The following CSMD1 variants were observed in gnomAD, a reference collection of about 807,000 sequenced individuals.
CSMD1 encodes CUB and Sushi multiple domains 1, also known as CUB and sushi domain-containing protein 1.
In CSMD1, 213 loss-of-function variants were observed where a neutral mutation model predicts 417.5. The ratio of observed to expected loss-of-function variants is 0.51; its 90% CI spans 0.46 to 0.57. The LOEUF (loss-of-function observed/expected upper bound fraction) is 0.57. Ranked by LOEUF, CSMD1 falls within the 20% of genes least tolerant of loss-of-function variation. CSMD1 has a pLI of 0.00. For synonymous variants in CSMD1, 2,862 were observed against 1,736.8 expected (o/e 1.65, Z -16.11); for missense variants, 6,923 against 4,529.7 (o/e 1.53, Z -15.17).
At chr8:4,292,328 C>A (rs1343369077) in intron 3 of CSMD1, among the ~76,000 whole-genome samples, 1 of 152,170 alleles carries the variant, frequency 6.6e-6, no homozygotes, top group Non-Finnish European at 1.5e-5. Context: ...CCTGGGCTCA[C>A]TGCAACCTCT....
intron 3 of CSMD1, among the ~76,000 whole-genome samples, chr8:4,361,929 C>A (rs1420897783): frequency 6.6e-6 from 1 of 152,030 alleles, no homozygotes. Context: ...CACGCCAAGG[C>A]CCTCCAGCCT....
chr8:3,244,462 C>A (rs1396682568), intron 26 of CSMD1, among the ~76,000 whole-genome samples: 1 of 152,116 alleles, frequency 6.6e-6, no homozygotes, highest in Non-Finnish European at 1.5e-5. Flanking sequence ...GGTTAGTTTG[C>A]ATAAGCAGTC....
intron 1 of CSMD1, among the ~76,000 whole-genome samples, chr8:4,874,071 T>C (rs1217200247): frequency 6.6e-6 from 1 of 152,152 alleles, no homozygotes; most frequent in Non-Finnish European, 1.5e-5. Context: ...CTTAAAACTT[T>C]AACATAGGCA....
At chr8:3,639,542 A>C (rs1213629149) in intron 7 of CSMD1, among the ~76,000 whole-genome samples, 1 of 152,158 alleles carries the variant, frequency 6.6e-6, no homozygotes, top group African/African-American at 2.4e-5. Flanking sequence ...GATGGATCAG[A>C]AGACCTGACT....
chr8:3,768,071 G>A (rs1483701004), intron 5 of CSMD1, among the ~76,000 whole-genome samples: 4 of 152,108 alleles, frequency 2.6e-5, no homozygotes. Context: ...GACAGCTACG[G>A]TCCATATGAT....
chr8:4,994,145 G>C (rs552980684), intron 1 of CSMD1, among the ~76,000 whole-genome samples, 187 bp downstream of exon 1: 4 of 152,180 alleles, frequency 2.6e-5, no homozygotes, highest in African/African-American at 9.6e-5. Context: ...GGGGGCCCAG[G>C]AGGGCTGGGG....
At position 3,517,362 on chromosome 8, in the gene CSMD1, G is replaced by C. The variant is rs574778322; in HGVS notation, c.1345-23636C>G. On this transcript the variant is annotated intron_variant, in intron 10 of 69. Coordinates refer to ENST00000635120, the MANE Select transcript of CSMD1 (RefSeq NM_033225.6). Reference sequence around the variant, plus strand: ...TAAGGAAACAAGCAAAACTATAGTGGTGTTATTAAGTGTTTTAAGGAAGCT... The same window carrying C: ...TAAGGAAACAAGCAAAACTATAGTGCTGTTATTAAGTGTTTTAAGGAAGCT... Among the ~76,000 whole-genome samples, 237 of 152,280 alleles carry C rather than the reference G, an allele frequency of 1.6e-3. 1 individual carries two copies. The highest frequency in any genetic ancestry group is 5.4e-3 in the African/African-American group (224 of 41,550).
At position 3,214,620 on chromosome 8, in the gene CSMD1, G is replaced by T; in HGVS notation, c.4744C>A (p.Leu1582Ile). The change falls in exon 30 of 70, where the codon CTT (leucine) becomes ATT (isoleucine). Residue 1582 changes from leucine (L) to isoleucine (I), a missense_variant. Coordinates refer to ENST00000635120, the MANE Select transcript of CSMD1 (RefSeq NM_033225.6). The part of the protein sequence containing the change: ...NGTRVGTDFK[L>I]GSTITYQCDS... ...CACTGGTAGGTGATGGTGGAGCCAA[G>T]CTTGAAGTCTGTTCCAACTCTTGTC... is the stretch of plus-strand genomic sequence containing the variant. The T allele has an allele frequency of 1.5e-5, 24 of 1,557,868 alleles. No individual in the cohort carries two copies. The highest frequency in any genetic ancestry group is 2.1e-5 in the Non-Finnish European group (24 of 1,150,268).
At chr8:4,488,049 C>T (rs964945018) in intron 2 of CSMD1, among the ~76,000 whole-genome samples, 15 of 152,058 alleles carry the variant, frequency 9.9e-5, no homozygotes, top group African/African-American at 2.4e-5. Flanking sequence ...AGGATGGAGC[C>T]CTTGTCTCTT....
intron 7 of CSMD1, among the ~76,000 whole-genome samples, chr8:3,654,129 C>T (rs1323631613): frequency 1.3e-5 from 2 of 152,154 alleles, no homozygotes; most frequent in African/African-American, 4.8e-5. Flanking sequence ...GTAACCACCC[C>T]TCATCTTCAC....
intron 1 of CSMD1, among the ~76,000 whole-genome samples, chr8:4,709,251 G>T (rs1220560203): frequency 6.6e-6 from 1 of 152,156 alleles, no homozygotes; most frequent in East Asian, 1.9e-4. Context: ...ACTGGTGTGG[G>T]GAGTAGAGTT....
At chr8:3,153,269 G>C (rs1370477191) in intron 39 of CSMD1, among the ~76,000 whole-genome samples, 2 of 152,168 alleles carry the variant, frequency 1.3e-5, no homozygotes, top group Non-Finnish European at 2.9e-5. Context: ...CTAAAAAGGG[G>C]AGGCATGAAT....
intron 10 of CSMD1, among the ~76,000 whole-genome samples, chr8:3,561,199 G>C (rs952196460): frequency 1.3e-5 from 2 of 152,306 alleles, no homozygotes; most frequent in Middle Eastern, 3.4e-3. Context: ...ATGTAAATGA[G>C]TAAGCCTCTA....
chr8:3,012,736 T>A lies in CSMD1; in HGVS notation c.8029+5741A>T, dbSNP rs139406966. ...ATCCACCTGTTTAAAAATACACAAATGAAAGGGGATGTGGGGATTTTTTAT... is the reference window on the plus strand; with the variant it reads ...ATCCACCTGTTTAAAAATACACAAAAGAAAGGGGATGTGGGGATTTTTTAT... On this transcript the variant is annotated intron_variant, in intron 52 of 69. Transcript: ENST00000635120. 1.6e-4 allele frequency among the ~76,000 whole-genome samples: 25 copies of A among 152,234 alleles called. 1 individual carries two copies. The East Asian group carries it at 4.8e-3, about 29-fold the overall frequency.
At chr8:3,798,332 A>G (rs978643809) in intron 5 of CSMD1, among the ~76,000 whole-genome samples, 2 of 152,016 alleles carry the variant, frequency 1.3e-5, no homozygotes, top group African/African-American at 2.4e-5. Flanking sequence ...ACAACTCAGT[A>G]TATCTGATGG....
At chr8:2,956,038 T>A (rs778307733) in intron 63 of CSMD1, among the ~76,000 whole-genome samples, 2 of 151,944 alleles carry the variant, frequency 1.3e-5, no homozygotes, top group African/African-American at 2.4e-5. Flanking sequence ...ACTACACCCA[T>A]CCTATATATA....
chr8:3,476,904 C>A (rs1387380605), intron 11 of CSMD1, among the ~76,000 whole-genome samples: 2 of 74,120 alleles, frequency 2.7e-5, no homozygotes, highest in African/African-American at 1.3e-4. Flanking sequence ...CAGAGCGAAA[C>A]TCCGCCTCAA....
intron 3 of CSMD1, among the ~76,000 whole-genome samples, chr8:4,167,800 G>A (rs190457230): frequency 2.6e-5 from 4 of 152,138 alleles, no homozygotes; most frequent in African/African-American, 9.6e-5. Context: ...GACTAGCCTG[G>A]GCAACATACT....
At chr8:3,737,014 G>C (rs950531879) in intron 6 of CSMD1, among the ~76,000 whole-genome samples, 9 of 152,162 alleles carry the variant, frequency 5.9e-5, no homozygotes, top group Admixed American at 5.2e-4. Context: ...TTCAGCACAC[G>C]ACTGTGGTTA....
Sources: allele counts gnomAD v4.1 joint callset (sites outside exome capture counted in the v4.1 genomes callset), GRCh38; gene constraint gnomAD v4.1.1; transcripts MANE v1.5; gene names NCBI Gene and HGNC (gene_info 2026-07-23, HGNC 2026-07-21).